The following PLEKHS1 variants were observed in gnomAD, a reference collection of about 807,000 sequenced individuals.
The protein encoded by PLEKHS1 is pleckstrin homology domain containing S1, also known as pleckstrin homology domain-containing family S member 1.
PLEKHS1 carries 55 observed loss-of-function variants against 51.0 expected under a neutral mutation model. That is an observed-to-expected ratio of 1.08 (90% CI 0.87 to 1.35). PLEKHS1 has a LOEUF of 1.35. PLEKHS1 is among the 40% of genes most tolerant of loss of function. PLEKHS1 has a pLI of 0.00. For synonymous variants in PLEKHS1, 153 were observed against 144.8 expected (o/e 1.06, Z -0.41); for missense variants, 398 against 423.0 (o/e 0.94, Z 0.52).
chr10:113,764,577 T>A (rs774909713), intron 2 of PLEKHS1, among the ~76,000 whole-genome samples: 14 of 152,224 alleles, frequency 9.2e-5, no homozygotes, highest in Non-Finnish European at 8.8e-5. Flanking sequence ...CTTGGTGTAC[T>A]TTTCTTTGTG....
At chr10:113,765,384 G>A (rs1290138983) in intron 2 of PLEKHS1, 7 of 779,258 alleles carry the variant, frequency 9.0e-6, no homozygotes, top group African/African-American at 5.1e-5. Context: ...TTCCAGTATG[G>A]CTGGAGGTAA....
intron 2 of PLEKHS1, among the ~76,000 whole-genome samples, chr10:113,759,415 C>A (rs1843816295): frequency 6.6e-6 from 1 of 152,128 alleles, no homozygotes; most frequent in Non-Finnish European, 1.5e-5. Context: ...TTGATGTTTT[C>A]TTGTGCCTGT....
At chr10:113,780,900 AT>A (rs111479559) in exon 12 of PLEKHS1, 3 of 847,912 alleles carry the variant, frequency 3.5e-6, no homozygotes, top group African/African-American at 3.4e-5. Flanking sequence ...CTGCATCTGC[AT>A]CTTAACAATG....
intron 6 of PLEKHS1, 73 bp from the exon 7 acceptor site, chr10:113,769,711 C>A: frequency 1.1e-6 from 1 of 919,470 alleles, no homozygotes; most frequent in Non-Finnish European, 1.8e-6. Context: ...GCAAGGAGCC[C>A]GGTAGAGAGG....
At chr10:113,770,395 A>G (rs1844351080) in intron 7 of PLEKHS1, among the ~76,000 whole-genome samples, 1 of 152,244 alleles carries the variant, frequency 6.6e-6, no homozygotes, top group Non-Finnish European at 1.5e-5. Context: ...ATTTGAAGAC[A>G]TAAAATATAA....
At position 113,774,712 on chromosome 10, in the gene PLEKHS1, T is replaced by G. The variant is rs183326375; in HGVS notation, c.780-114T>G. On this transcript the variant is annotated intron_variant, in intron 9 of 11. Transcript: ENST00000361048. The stretch of plus-strand genomic sequence containing the variant: ...TGTGATTCTGATAGTTGGACATACG[T>G]CAAGACCTTGCTAGTCTTCACATGG... The G allele has an allele frequency of 1.8e-4, 164 of 901,632 alleles. No homozygotes were observed. The East Asian group carries it at 3.9e-3, about 21-fold the overall frequency. 55.9% of individuals were successfully genotyped at this position (901,632 alleles called of 1,614,324 possible). A position where few individuals can be genotyped will look rare whatever the true frequency, so the allele number is the denominator to read the frequency against.
chr10:113,758,527 T>C (rs1038971400), intron 2 of PLEKHS1, among the ~76,000 whole-genome samples: 2 of 152,224 alleles, frequency 1.3e-5, no homozygotes, highest in East Asian at 1.9e-4. Flanking sequence ...GGCTTTGTTG[T>C]TGCACTGATA....
intron 2 of PLEKHS1, among the ~76,000 whole-genome samples, chr10:113,762,331 T>C (rs2134496699): frequency 6.6e-6 from 1 of 151,404 alleles, no homozygotes; most frequent in Non-Finnish European, 1.5e-5. Context: ...TTATCTTTAT[T>C]ATCTCCCTTC....
At chr10:113,774,461 A>T in intron 9 of PLEKHS1, 128 bp downstream of exon 9, 1 of 628,940 alleles carries the variant, frequency 1.6e-6, no homozygotes, top group Non-Finnish European at 2.7e-6. Flanking sequence ...TCCACATATT[A>T]TTCAGTCGTC....
intron 8 of PLEKHS1, among the ~76,000 whole-genome samples, chr10:113,773,747 A>G (rs181857421): frequency 2.6e-5 from 4 of 152,218 alleles, no homozygotes. Flanking sequence ...TCTTTGTTCT[A>G]AGGGGGCTAT....
At position 113,775,869 on chromosome 10, in the gene PLEKHS1, AG is replaced by A; in HGVS notation, c.1091+5del. The stretch of plus-strand genomic sequence containing the variant: ...ACAGAAGCCACAGGACGGATATGGT[AG>A]GTTGGAGATTTGACTGTTGTGGATT... On this transcript the variant is annotated splice_donor_region_variant and intron_variant, in intron 11 of 11. Transcript: ENST00000361048. 6.3e-7 allele frequency: 1 copy of A among 1,596,286 alleles called. No homozygotes were observed. The highest frequency in any genetic ancestry group is 8.6e-7 in the Non-Finnish European group (1 of 1,167,792).
At chr10:113,770,832 T>C (rs1844369810) in intron 7 of PLEKHS1, among the ~76,000 whole-genome samples, 1 of 152,198 alleles carries the variant, frequency 6.6e-6, no homozygotes, top group African/African-American at 2.4e-5. Flanking sequence ...TTTCACACTA[T>C]AGATCCAGTG....
chr10:113,772,349 A>C (rs3763795), intron 8 of PLEKHS1, among the ~76,000 whole-genome samples: 45,701 of 152,136 alleles, frequency 0.3, 8,705 homozygotes, highest in Admixed American at 0.43. Context: ...TTCAAACAAA[A>C]GATCAGGAAG....
Position 113,767,245 on chromosome 10 carries a change from G to T in PLEKHS1, c.225-100G>T, listed in dbSNP as rs1353444240. The T allele has an allele frequency of 3.5e-6, 3 of 849,746 alleles. No individual in the cohort carries two copies. The Admixed American group carries it at 1.2e-4, about 33-fold the overall frequency. 52.6% of individuals were successfully genotyped at this position (849,746 alleles called of 1,614,324 possible). ...GGACAATCTTGGAAACATGGATCCAGCACATCTAAAGTTTTATTCCATTTG... is the reference window on the plus strand; with the variant it reads ...GGACAATCTTGGAAACATGGATCCATCACATCTAAAGTTTTATTCCATTTG... On this transcript the variant is annotated intron_variant, in intron 4 of 11. Transcript: ENST00000361048.
Position 113,781,493 on chromosome 10 carries a change from C to T in PLEKHS1, c.*891C>T, listed in dbSNP as rs189766045. The T allele has an allele frequency of 2.4e-3, 134 of 55,694 alleles. 6 individuals are homozygous for T. The highest frequency in any genetic ancestry group is 6.7e-3 in the South Asian group (7 of 1,052). The allele number at this position is 55,694 out of a possible 1,614,324, so 3.4% of individuals were successfully genotyped here. On this transcript the variant is annotated 3_prime_UTR_variant, in exon 12 of 12. Coordinates refer to ENST00000361048, the Ensembl canonical transcript of PLEKHS1. ...TCCCCAACACCTCCTTCCCCAACAC[C>T]TCCTTCCCAACACCTCCTTCCCAAA...
At chr10:113,775,851 C>G in exon 11 of PLEKHS1, 1 of 1,610,454 alleles carries the variant, frequency 6.2e-7, no homozygotes, top group Non-Finnish European at 8.5e-7. Flanking sequence ...CTCACAGAAG[C>G]CACAGGACGG....
intron 11 of PLEKHS1, among the ~76,000 whole-genome samples, chr10:113,778,567 C>T (rs527393447): frequency 6.6e-6 from 1 of 151,902 alleles, no homozygotes; most frequent in Non-Finnish European, 1.5e-5. Context: ...TGAGTAATTC[C>T]AGTGAGGATA....
chr10:113,770,952 A>T (rs756431425), intron 7 of PLEKHS1, among the ~76,000 whole-genome samples: 1 of 152,244 alleles, frequency 6.6e-6, no homozygotes. Context: ...ATCCGGCTCC[A>T]TGAGCTTGGA....
At chr10:113,758,228 C>T (rs988349986) in intron 2 of PLEKHS1, among the ~76,000 whole-genome samples, 5 of 152,062 alleles carry the variant, frequency 3.3e-5, no homozygotes, top group Non-Finnish European at 7.4e-5. Context: ...AGAGGAATCA[C>T]GATCTACAAC....
Sources: gnomAD v4.1 joint callset for allele counts (sites outside exome capture counted in the v4.1 genomes callset) on GRCh38, gnomAD v4.1.1 for gene constraint, MANE v1.5 for transcripts, NCBI Gene and HGNC (gene_info 2026-07-23, HGNC 2026-07-21) for gene names.